Variants in AKAP11 observed in about 807,000 individuals in gnomAD.
The protein encoded by AKAP11 is A-kinase anchoring protein 11.
AKAP11 carries 36 observed loss-of-function variants against 146.1 expected under a neutral mutation model. The ratio of observed to expected loss-of-function variants is 0.25; its 90% CI spans 0.19 to 0.33. AKAP11 has a LOEUF of 0.33. AKAP11 is among the 10% of genes least tolerant of loss of function. The probability of loss-of-function intolerance (pLI) is 1.00; values close to 1 mark genes in which losing one functional copy is unlikely to be tolerated. For synonymous variants in AKAP11, 780 were observed against 786.5 expected, an observed-to-expected ratio of 0.99 and a Z score of 0.14; for missense variants, 2,201 against 2,197.0, an observed-to-expected ratio of 1.00 and a Z score of -0.04.
chr13:42,302,454 A>G lies in AKAP11; in HGVS notation c.3708A>G (p.Gln1236=). The G allele has an allele frequency of 1.9e-6, 3 of 1,614,212 alleles. No individual in the cohort carries two copies. The highest frequency in any genetic ancestry group is 1.1e-5 in the South Asian group (1 of 91,086). The change falls in exon 8 of 13, where the codon CAA becomes CAG. Residue 1236 remains glutamine, a synonymous_variant. Coordinates refer to ENST00000025301, the MANE Select transcript of AKAP11 (RefSeq NM_016248.4). ...TTAAAAACCCTTGCTTAAATGTGCA[A>G]AGTCAAAGAAGTGTGTCGCCTACTT... The part of the protein sequence containing the change: ...PKVKNPCLNV[Q]SQRSVSPTFL...
chr13:42,301,437 A>ATTGATG lies in AKAP11; in HGVS notation c.2691_2692insTTGATG (p.Thr897_Lys898insLeuMet). The ATTGATG allele has an allele frequency of 6.2e-7, 1 of 1,613,222 alleles. No homozygotes were observed. The highest frequency in any genetic ancestry group is 8.5e-7 in the Non-Finnish European group (1 of 1,179,740). On this transcript the variant is annotated inframe_insertion, in exon 8 of 13. Transcript: ENST00000025301. Reference sequence around the variant, plus strand: ...AGTCAATGACATCATTGGAAGTTACAAAAATGGTTGATGAACGTACAGATT... The same window carrying ATTGATG: ...AGTCAATGACATCATTGGAAGTTACATTGATGAAAATGGTTGATGAACGTACAGATT...
At chr13:42,277,108 T>C (rs912786103) in intron 1 of AKAP11, among the ~76,000 whole-genome samples, 4 of 152,244 alleles carry the variant, frequency 2.6e-5, no homozygotes, top group African/African-American at 4.8e-5. Context: ...AATTATAGCA[T>C]ATCATCCTTA....
chr13:42,300,634 G>T lies in AKAP11; in HGVS notation c.1888G>T (p.Asp630Tyr). ...TGAAGCTTTATCAAATGCCTTAAAA[G>T]ATTTACAGTATGTAAAGAAGCAGAT... ...VSEALSNALK[D>Y]LQYVKKQIFT... Residue 630 changes from aspartate to tyrosine, a missense_variant, in exon 8 of 13, where the codon GAT becomes TAT. Physicochemically the swap from Asp to Tyr is radical, Grantham distance 160 (BLOSUM62 -3). Transcript: ENST00000025301. 2 of 1,614,046 alleles carry T rather than the reference G, an allele frequency of 1.2e-6. No individual in the cohort carries two copies. Among genetic ancestry groups the T allele is most frequent in the Non-Finnish European group, 1.7e-6 (2 of 1,179,942 alleles).
Position 42,292,451 on chromosome 13 carries a change from G to T in AKAP11, c.118G>T (p.Val40Leu). 6.3e-7 allele frequency: 1 copy of T among 1,594,542 alleles called. No homozygotes were observed. The highest frequency in any genetic ancestry group is 8.6e-7 in the Non-Finnish European group (1 of 1,166,464). Residue 40 changes from valine to leucine, a missense_variant, in exon 4 of 13, where the codon GTA becomes TTA. By Grantham distance (32) the Val-to-Leu change is conservative. Transcript: ENST00000025301. ...GCAGAGTCAGAAGGAACTATGCAGT[G>T]TAACAGCAGAGGACTGTTTACAGCA... is the stretch of plus-strand genomic sequence containing the variant. Reference protein sequence around the residue: ...LLQSQKELCSVTAEDCLQQDE... With the variant: ...LLQSQKELCSLTAEDCLQQDE...
chr13:42,303,912 A>T (rs774124285), intron 8 of AKAP11, 49 bp downstream of exon 8: 16 of 1,512,596 alleles, frequency 1.1e-5, no homozygotes, highest in Non-Finnish European at 1.4e-5. Flanking sequence ...AAAAAGATAA[A>T]TGTGATCCTA....
intron 11 of AKAP11, among the ~76,000 whole-genome samples, chr13:42,314,233 C>T (rs1419907658): frequency 6.6e-6 from 1 of 151,982 alleles, no homozygotes. Flanking sequence ...TCGCATGAGG[C>T]CAGGAATTTG....
chr13:42,303,356 T>C lies in AKAP11; in HGVS notation c.4610T>C (p.Val1537Ala). The C allele has an allele frequency of 6.2e-7, 1 of 1,612,994 alleles. No homozygotes were observed. The highest frequency in any genetic ancestry group is 8.5e-7 in the Non-Finnish European group (1 of 1,180,030). ...LNGYGCGDNV[V>A]QAVEQYAKKV... ...GGATATGGTTGTGGAGACAATGTTG[T>C]TCAAGCTGTAGAACAGTATGCCAAA... Residue 1537 changes from valine (V) to alanine (A), a missense_variant, in exon 8 of 13, where the codon GTT (valine) becomes GCT (alanine). Physicochemically the swap from Val to Ala is moderately conservative, Grantham distance 64 (BLOSUM62 0). This residue lies in a region of AKAP11 where 1,867 missense variants were observed against 1,833.5 expected (regional missense o/e 1.02). Coordinates refer to ENST00000025301, the MANE Select transcript of AKAP11 (RefSeq NM_016248.4).
Position 42,301,012 on chromosome 13 carries a change from C to G in AKAP11, c.2266C>G (p.Pro756Ala). ...FHNQAIMVTK[P>A]VQEYKKEYTV... is the part of the protein sequence containing the mutation. The stretch of plus-strand genomic sequence containing the variant: ...CAATCAAGCAATTATGGTGACAAAA[C>G]CAGTGCAGGAATATAAAAAGGAATA... Residue 756 changes from proline (P) to alanine (A), a missense_variant, in exon 8 of 13, where the codon CCA becomes GCA. Pro to Ala is a conservative substitution (Grantham distance 27). This residue lies in a region of AKAP11 where 1,867 missense variants were observed against 1,833.5 expected (regional missense o/e 1.02). Coordinates refer to ENST00000025301, the MANE Select transcript of AKAP11 (RefSeq NM_016248.4). 1 of 1,614,064 alleles carries G rather than the reference C, an allele frequency of 6.2e-7. No homozygotes were observed. The highest frequency in any genetic ancestry group is 8.5e-7 in the Non-Finnish European group (1 of 1,179,950).
intron 10 of AKAP11, among the ~76,000 whole-genome samples, chr13:42,313,383 C>T (rs1349068744): frequency 1.3e-5 from 2 of 152,072 alleles, no homozygotes; most frequent in Non-Finnish European, 1.5e-5. Context: ...TTCATTCTAC[C>T]AATTATTTCA....
intron 1 of AKAP11, among the ~76,000 whole-genome samples, chr13:42,272,452 G>C (rs930112605): frequency 3.9e-5 from 6 of 152,206 alleles, no homozygotes; most frequent in Admixed American, 6.5e-5. Flanking sequence ...ACCGCACCGG[G>C]CCCAGAGTAG....
chr13:42,313,200 A>G, intron 10 of AKAP11, 70 bp downstream of exon 10: 1 of 1,221,098 alleles, frequency 8.2e-7, no homozygotes, highest in African/African-American at 1.5e-5. Context: ...ATATTCTTCA[A>G]AGAATGTGGG....
chr13:42,314,224 C>T lies in AKAP11; in HGVS notation c.5404+284C>T, dbSNP rs370930672. 1.8e-4 allele frequency among the ~76,000 whole-genome samples: 28 copies of T among 152,158 alleles called. No individual in the cohort carries two copies. In the South Asian group the frequency reaches 4.8e-3, roughly 26 times the overall value. On this transcript the variant is annotated intron_variant, in intron 11 of 12. Transcript: ENST00000025301. ...TTTTGGGTGGCTGAGGTGGGTGGAT[C>T]GCATGAGGCCAGGAATTTGAGACCA...
chr13:42,303,059 A>C lies in AKAP11; in HGVS notation c.4313A>C (p.Gln1438Pro). The change falls in exon 8 of 13, where the codon CAA becomes CCA. Residue 1438 changes from glutamine (Q) to proline (P), a missense_variant. Transcript: ENST00000025301. ...AATGAAGGTTACTTTTGTAAAAATCAAACTTGTGAAAGGACCCTGGATCCA... is the reference window on the plus strand; with the variant it reads ...AATGAAGGTTACTTTTGTAAAAATCCAACTTGTGAAAGGACCCTGGATCCA... Reference protein sequence around the residue: ...KRNEGYFCKNQTCERTLDPYR... With the variant: ...KRNEGYFCKNPTCERTLDPYR... The C allele has an allele frequency of 6.2e-7, 1 of 1,613,036 alleles. No homozygotes were observed. The highest frequency in any genetic ancestry group is 1.1e-5 in the South Asian group (1 of 91,030).
rs754358582 is a variant in AKAP11 at position 42,313,127 on chromosome 13, A to C, written c.5354A>C (p.Asp1785Ala). 1.2e-6 allele frequency: 2 copies of C among 1,611,768 alleles called. No individual in the cohort carries two copies. The highest frequency in any genetic ancestry group is 3.4e-5 in the Admixed American group (2 of 59,538). The change falls in exon 10 of 13, where the codon GAC becomes GCC. Residue 1785 changes from aspartate to alanine, a missense_variant. Coordinates refer to ENST00000025301, the MANE Select transcript of AKAP11 (RefSeq NM_016248.4). ...YEDNLSFPTS[D>A]SDGPDDKDEE... is the part of the protein sequence containing the mutation. ...GACAATTTATCCTTTCCAACATCAG[A>C]CAGGTTGGTCCAGTCTAGAAACTTA...
intron 1 of AKAP11, among the ~76,000 whole-genome samples, chr13:42,284,513 G>A (rs534135545): frequency 6.6e-6 from 1 of 152,266 alleles, no homozygotes; most frequent in Admixed American, 6.5e-5. Flanking sequence ...ACAAATAAAA[G>A]GATTATCTTT....
rs1445122784 is a variant in AKAP11 at position 42,301,355 on chromosome 13, C to T, written c.2609C>T (p.Ala870Val). The change falls in exon 8 of 13, where the codon GCA (alanine) becomes GTA (valine). Residue 870 changes from alanine (A) to valine (V), a missense_variant. Around this residue, in one of 3 missense-constraint regions of AKAP11, gnomAD observed 1,867 missense variants for 1,833.5 expected, o/e 1.02. Transcript: ENST00000025301. The stretch of plus-strand genomic sequence containing the variant: ...TCCTCAAAATTACCAAATGATCCTG[C>T]AATTATTAGCAACTTTTCTGCAGCA... ...QSSSKLPNDP[A>V]IISNFSAAVV... 1 of 1,613,840 alleles carries T rather than the reference C, an allele frequency of 6.2e-7. No homozygotes were observed.
Position 42,320,497 on chromosome 13 carries a change from C to CCTCCCA in AKAP11, c.*1273_*1278dup, listed in dbSNP as rs1181213995. The CCTCCCA allele has an allele frequency of 6.6e-6, 1 of 150,764 alleles. No homozygotes were observed. Among genetic ancestry groups the CCTCCCA allele is most frequent in the African/African-American group, 2.4e-5 (1 of 40,868 alleles). 9.3% of individuals were successfully genotyped at this position (150,764 alleles called of 1,614,324 possible). A position where few individuals can be genotyped will look rare whatever the true frequency, so the allele number is the denominator to read the frequency against. ...CCCTCCCTGCAACTCTCTCTCCCCT[C>CCTCCCA]CTCCCACTCTCTTCCCCCTCCCCCC... On this transcript the variant is annotated 3_prime_UTR_variant, in exon 13 of 13. Coordinates refer to ENST00000025301, the MANE Select transcript of AKAP11 (RefSeq NM_016248.4).
chr13:42,315,588 G>A (rs1427258374), intron 11 of AKAP11, among the ~76,000 whole-genome samples: 1 of 152,164 alleles, frequency 6.6e-6, no homozygotes, highest in Admixed American at 6.5e-5. Context: ...GAAGATACAA[G>A]TTAATGTAAA....
Position 42,301,548 on chromosome 13 carries a change from T to C in AKAP11, c.2802T>C (p.Asn934=), listed in dbSNP as rs1959909146. Residue 934 remains asparagine (N), a synonymous_variant, in exon 8 of 13, where the codon AAT becomes AAC. Transcript: ENST00000025301. The part of the protein sequence containing the change: ...AVLQCSEASS[N]KDMFADRLSK... Reference sequence around the variant, plus strand: ...TGCAATGCAGTGAAGCTAGTAGCAATAAGGACATGTTTGCTGACCGGTTAT... The same window carrying C: ...TGCAATGCAGTGAAGCTAGTAGCAACAAGGACATGTTTGCTGACCGGTTAT... The C allele has an allele frequency of 6.2e-7, 1 of 1,614,000 alleles. No individual in the cohort carries two copies. The highest frequency in any genetic ancestry group is 8.5e-7 in the Non-Finnish European group (1 of 1,179,980).
Sources: gnomAD v4.1 joint callset for allele counts (sites outside exome capture counted in the v4.1 genomes callset) on GRCh38, gnomAD v4.1.1 for gene constraint, gnomAD v4.1.1 regional missense constraint, MANE v1.5 for transcripts, NCBI Gene and HGNC (gene_info 2026-07-23, HGNC 2026-07-21) for gene names.